The following KIAA1549 variants were observed in gnomAD, a reference collection of about 807,000 sequenced individuals.
The protein encoded by KIAA1549 is UPF0606 protein KIAA1549.
In KIAA1549, 70 loss-of-function variants were observed where a neutral mutation model predicts 156.4. That is an observed-to-expected ratio of 0.45 (90% CI 0.37 to 0.55). KIAA1549 has a LOEUF of 0.55. Among genes scored for constraint, KIAA1549 ranks in the 20% least tolerant of loss-of-function variants. The pLI is 0.00. For synonymous variants in KIAA1549, 1,103 were observed against 1,066.4 expected, an observed-to-expected ratio of 1.03 and a Z score of -0.67; for missense variants, 2,428 against 2,540.9, an observed-to-expected ratio of 0.96 and a Z score of 0.96.
In KIAA1549 at chr7:138,918,750, C is replaced by T. The variant is rs574932009; in HGVS notation, c.876G>A (p.Pro292=). Residue 292 remains proline (P), a synonymous_variant, in exon 2 of 20, where the codon CCG becomes CCA. Coordinates refer to ENST00000422774, the MANE Select transcript of KIAA1549 (RefSeq NM_001164665.2). The surrounding 1 kb of genome is among the most constrained non-coding windows in gnomAD (Gnocchi z 4.2). Reference sequence around the variant, plus strand: ...ACGGTATAGTAATGCCGTCGCCTAACGGCTGTGGCATTAAAGACCGGGAGC... The same window carrying T: ...ACGGTATAGTAATGCCGTCGCCTAATGGCTGTGGCATTAAAGACCGGGAGC... The part of the protein sequence containing the change: ...FLSSRSLMPQ[P]LGDGITIPLP... The T allele has an allele frequency of 7.1e-5, 115 of 1,613,834 alleles. No homozygotes were observed. The South Asian group carries it at 9.1e-4, about 13-fold the overall frequency.
intron 1 of KIAA1549, among the ~76,000 whole-genome samples, chr7:138,963,437 A>C (rs963155822): frequency 2.0e-5 from 3 of 152,216 alleles, no homozygotes; most frequent in African/African-American, 4.8e-5. Flanking sequence ...GGGGAACTGA[A>C]CACAATTGGA....
At chr7:138,961,081 A>G (rs1017794112) in intron 1 of KIAA1549, among the ~76,000 whole-genome samples, 2 of 152,210 alleles carry the variant, frequency 1.3e-5, no homozygotes, top group Non-Finnish European at 2.9e-5. Flanking sequence ...TCTGTCCTGC[A>G]CTTGGATCCG....
At chr7:138,962,207 C>T (rs17160647) in intron 1 of KIAA1549, among the ~76,000 whole-genome samples, 32,791 of 152,122 alleles carry the variant, frequency 0.22, 4,167 homozygotes, top group African/African-American at 0.35. Context: ...AGTGCACATT[C>T]GATTTTAGTT....
Position 138,918,030 on chromosome 7 carries a change from C to T in KIAA1549, c.1596G>A (p.Ala532=), listed in dbSNP as rs376964458. The change falls in exon 2 of 20, where the codon GCG becomes GCA. Residue 532 remains alanine, a synonymous_variant. Coordinates refer to ENST00000422774, the MANE Select transcript of KIAA1549 (RefSeq NM_001164665.2). The surrounding 1 kb of genome is among the most constrained non-coding windows in gnomAD (Gnocchi z 4.2). ...PPAHGRLSVP[A]SLDPTAGSLS... is the part of the protein sequence containing the mutation. ...AGGAGCCAGCAGTAGGATCAAGTGA[C>T]GCCGGCACAGAGAGGCGGCCGTGGG... The T allele has an allele frequency of 1.7e-5, 27 of 1,608,830 alleles. No individual in the cohort carries two copies. The highest frequency in any genetic ancestry group is 5.6e-5 in the South Asian group (5 of 90,060).
chr7:138,883,183 GA>G (rs1249258109), intron 10 of KIAA1549, among the ~76,000 whole-genome samples: 1 of 141,228 alleles, frequency 7.1e-6, no homozygotes, highest in East Asian at 2.1e-4. Context: ...TGAGGCAGGA[GA>G]ATCACTTCAA....
chr7:138,939,112 C>CT (rs994567669), intron 1 of KIAA1549, among the ~76,000 whole-genome samples: 2 of 152,070 alleles, frequency 1.3e-5, no homozygotes, highest in Non-Finnish European at 2.9e-5. Context: ...ATCCCATAAA[C>CT]TTTTTTTTAA....
chr7:138,909,265 G>A (rs1420159901), intron 4 of KIAA1549, 144 bp from the exon 5 acceptor site: 9 of 824,500 alleles, frequency 1.1e-5, no homozygotes, highest in Middle Eastern at 3.4e-4. Flanking sequence ...ACATTTCTAC[G>A]TATTTTCTCA....
chr7:138,915,202 G>A (rs1038466423), intron 2 of KIAA1549, among the ~76,000 whole-genome samples: 1 of 152,032 alleles, frequency 6.6e-6, no homozygotes, highest in Non-Finnish European at 1.5e-5. Context: ...TTCCTTTTGT[G>A]GGAATCCCCA....
chr7:138,941,251 T>C (rs1813175866), intron 1 of KIAA1549, among the ~76,000 whole-genome samples: 1 of 152,148 alleles, frequency 6.6e-6, no homozygotes, highest in African/African-American at 2.4e-5. Flanking sequence ...TTTAAAAAGA[T>C]TACACACAAA....
chr7:138,910,612 CATCTCAAACTCCAG>C (rs1381119573), intron 4 of KIAA1549, among the ~76,000 whole-genome samples: 1 of 151,580 alleles, frequency 6.6e-6, no homozygotes, highest in Non-Finnish European at 1.5e-5. Context: ...TGCCCAGGCT[CATCTCAAACTCCAG>C]AGCTCAAGTG....
intron 13 of KIAA1549, among the ~76,000 whole-genome samples, chr7:138,870,494 C>T (rs1422571385): frequency 6.6e-6 from 1 of 152,178 alleles, no homozygotes; most frequent in Non-Finnish European, 1.5e-5. Flanking sequence ...CCTAGTGTCA[C>T]CAAAACAAGT....
intron 9 of KIAA1549, among the ~76,000 whole-genome samples, chr7:138,898,681 T>C (rs557121500): frequency 6.6e-6 from 1 of 152,312 alleles, no homozygotes; most frequent in East Asian, 1.9e-4. Flanking sequence ...AGTACAGGAA[T>C]GAGGGACAGA....
rs1201752539 is a variant in KIAA1549, at chr7:138,883,089, T to TAAAAAAAAAAAAAAAAAAAAA, written c.4033-1526_4033-1506dup. ...CAACATGGTGAAACCCCATCTCCCCTAAAAAAAAAAAAAAAAAAAAAAAAA... is the reference window on the plus strand; with the variant it reads ...CAACATGGTGAAACCCCATCTCCCCTAAAAAAAAAAAAAAAAAAAAAAAAAAAAAAAAAAAAAAAAAAAAAA... On this transcript the variant is annotated intron_variant, in intron 10 of 19. Transcript: ENST00000422774. Among the ~76,000 whole-genome samples the TAAAAAAAAAAAAAAAAAAAAA allele has an allele frequency of 3.4e-4, 16 of 47,064 alleles. 7 individuals carry two copies. The highest frequency in any genetic ancestry group is 1.4e-3 in the African/African-American group (16 of 11,540). The allele number at this position is 47,064 out of a possible 152,430, so 30.9% of individuals were successfully genotyped here.
chr7:138,916,437 G>A (rs765022607), intron 2 of KIAA1549, among the ~76,000 whole-genome samples: 2 of 152,158 alleles, frequency 1.3e-5, no homozygotes, highest in Non-Finnish European at 2.9e-5. Context: ...GCACCATCCC[G>A]TGCATGCCTC....
Position 138,859,635 on chromosome 7 carries a change from C to G in KIAA1549, c.5247+1504G>C, listed in dbSNP as rs188669760. On this transcript the variant is annotated intron_variant, in intron 16 of 19. Transcript: ENST00000422774. Reference sequence around the variant, plus strand: ...AACTCAGGGAGACCACAGAGCTCTGCCTGGGGTCCCACCTGCTGCACCATG... The same window carrying G: ...AACTCAGGGAGACCACAGAGCTCTGGCTGGGGTCCCACCTGCTGCACCATG... Among the ~76,000 whole-genome samples, 3 of 152,274 alleles carry G rather than the reference C, an allele frequency of 2.0e-5. No individual in the cohort carries two copies. In the East Asian group the frequency reaches 5.8e-4, roughly 29 times the overall value.
chr7:138,971,337 T>C (rs986823111), intron 1 of KIAA1549, among the ~76,000 whole-genome samples: 3 of 152,130 alleles, frequency 2.0e-5, no homozygotes, highest in Admixed American at 2.0e-4. Flanking sequence ...TACTCCCCCA[T>C]ACATCTCTGT....
intron 12 of KIAA1549, among the ~76,000 whole-genome samples, chr7:138,873,536 G>A (rs1315044824): frequency 1.3e-5 from 2 of 151,308 alleles, no homozygotes; most frequent in Non-Finnish European, 2.9e-5. Flanking sequence ...CCTAGAAGTG[G>A]GATCACTTTC....
rs1809775475 is a variant in KIAA1549, at chr7:138,837,847, C to T, written c.*59G>A. ...TTCCAAACACCCACTCAGTTGATTT[C>T]CTTTTGGTCTTGCTTCCACAGGAAG... On this transcript the variant is annotated 3_prime_UTR_variant, in exon 20 of 20. Coordinates refer to ENST00000422774, the MANE Select transcript of KIAA1549 (RefSeq NM_001164665.2). The T allele has an allele frequency of 6.4e-7, 1 of 1,567,648 alleles. No homozygotes were observed. Among genetic ancestry groups the T allele is most frequent in the African/African-American group, 1.3e-5 (1 of 74,094 alleles).
chr7:138,880,402 T>A (rs1811207645), intron 11 of KIAA1549, among the ~76,000 whole-genome samples: 2 of 152,174 alleles, frequency 1.3e-5, no homozygotes. Flanking sequence ...GCCTGCAAAA[T>A]AATTAATCAA....
Sources: allele counts gnomAD v4.1 joint callset (sites outside exome capture counted in the v4.1 genomes callset), GRCh38; gene constraint gnomAD v4.1.1; non-coding constraint Gnocchi (gnomAD v3.1); transcripts MANE v1.5; gene names NCBI Gene and HGNC (gene_info 2026-07-23, HGNC 2026-07-21).